LSP1: variants seen among roughly 807,000 people sequenced by gnomAD.
LSP1 encodes the protein lymphocyte-specific protein 1.
A neutral mutation model predicts 49.3 loss-of-function variants in LSP1; 32 were observed. That is an observed-to-expected ratio of 0.65 (90% CI 0.49 to 0.87). The LOEUF is 0.87. Ranked by LOEUF, LSP1 falls within the 40% of genes least tolerant of loss-of-function variation. The pLI is 0.00. For missense variants in LSP1, 428 were observed against 442.6 expected (o/e 0.97, Z 0.30); for synonymous variants, 179 against 178.8 (o/e 1.00, Z -0.01).
chr11:1,886,564 G>A (rs1848759052), intron 7 of LSP1, among the ~76,000 whole-genome samples, 168 bp from the exon 8 acceptor site: 1 of 152,228 alleles, frequency 6.6e-6, no homozygotes, highest in South Asian at 2.1e-4. Flanking sequence ...CAACTGCATC[G>A]AATGGAGGAA....
Position 1,873,813 on chromosome 11 carries a change from AGCAGAGGAGGGAGGCCG to A in LSP1, c.54-6241_54-6225del, listed in dbSNP as rs1303390585. Reference sequence around the variant, plus strand: ...TGGCAACCAGAAGAGCAGGGAGCCCAGCAGAGGAGGGAGGCCGGCAGAGGAGGGAGGCCGGCAGAGGA... The same window carrying A: ...TGGCAACCAGAAGAGCAGGGAGCCCAGCAGAGGAGGGAGGCCGGCAGAGGA... On this transcript the variant is annotated intron_variant, in intron 1 of 10. Transcript: ENST00000311604. Among the ~76,000 whole-genome samples the A allele has an allele frequency of 7.8e-4, 79 of 101,170 alleles. 4 individuals carry two copies. The East Asian group carries it at 7.9e-3, about 10-fold the overall frequency. 66.4% of individuals were successfully genotyped at this position (101,170 alleles called of 152,430 possible).
At chr11:1,860,914 T>A (rs1315621031) in intron 1 of LSP1, among the ~76,000 whole-genome samples, 1 of 151,978 alleles carries the variant, frequency 6.6e-6, no homozygotes, top group Non-Finnish European at 1.5e-5. Context: ...AATAGAAGGA[T>A]GTCAGGAGAA....
chr11:1,890,593 C>T (rs1565092082), intron 10 of LSP1: 2 of 702,998 alleles, frequency 2.8e-6, no homozygotes, highest in Admixed American at 2.0e-5. Flanking sequence ...ATGACTGTGT[C>T]CTAGGGTGGG....
At chr11:1,870,445 G>A (rs541271133) in intron 1 of LSP1, 1 of 1,204,044 alleles carries the variant, frequency 8.3e-7, no homozygotes, top group South Asian at 1.5e-5. Context: ...GAGTCTGGGA[G>A]GGGCTGGTCA....
chr11:1,883,707 G>A (rs1463494257), intron 4 of LSP1, 147 bp downstream of exon 4: 4 of 1,108,150 alleles, frequency 3.6e-6, no homozygotes, highest in East Asian at 2.6e-5. Context: ...CCCCTTCTGG[G>A]CCCACATTCT....
intron 1 of LSP1, among the ~76,000 whole-genome samples, chr11:1,867,565 C>T (rs2133072174): frequency 6.6e-6 from 1 of 152,208 alleles, no homozygotes; most frequent in Non-Finnish European, 1.5e-5. Context: ...GGCCACTCAG[C>T]CGGGCATGAT....
At chr11:1,873,999 T>C (rs188203772) in intron 1 of LSP1, among the ~76,000 whole-genome samples, 1,694 of 32,300 alleles carry the variant, frequency 0.052, 88 homozygotes, top group African/African-American at 0.073. Context: ...GGAGGGAGGC[T>C]GGCAGAGCAG....
intron 1 of LSP1, among the ~76,000 whole-genome samples, chr11:1,859,988 C>T (rs988292741): frequency 2.0e-5 from 3 of 152,106 alleles, no homozygotes; most frequent in South Asian, 2.1e-4. Flanking sequence ...AACATACATT[C>T]GCAGGTATGT....
At chr11:1,869,336 A>C in intron 1 of LSP1, 1 of 300,332 alleles carries the variant, frequency 3.3e-6, no homozygotes, top group South Asian at 2.9e-5. Flanking sequence ...ACCTGGGGAG[A>C]AGTGACAGAG....
chr11:1,876,139 G>A (rs941287912), intron 1 of LSP1, among the ~76,000 whole-genome samples: 2 of 152,230 alleles, frequency 1.3e-5, no homozygotes, highest in East Asian at 1.9e-4. Flanking sequence ...GGCGGCTGGC[G>A]GGGAGCGGGG....
At chr11:1,872,017 ACGGGG>A in intron 1 of LSP1, among the ~76,000 whole-genome samples, 1 of 126,506 alleles carries the variant, frequency 7.9e-6, no homozygotes, top group Non-Finnish European at 1.6e-5. Flanking sequence ...CACCTTTGGG[ACGGGG>A]TGTGTGTGGC....
rs959933771 is a variant in LSP1, at chr11:1,884,314, T to C, written c.626T>C (p.Ile209Thr). ...AGGACCGAGTCCCTAAACCGCTCCA[T>C]AGAGAAGAGGTCTGTCTGTCTGTCT... is the stretch of plus-strand genomic sequence containing the variant. ...IDRTESLNRSIEKSNSVKKSQ... is the reference protein window; with the variant it reads ...IDRTESLNRSTEKSNSVKKSQ... The change falls in exon 6 of 11, where the codon ATA becomes ACA. Residue 209 changes from isoleucine to threonine, a missense_variant. Physicochemically the swap from Ile to Thr is moderately conservative, Grantham distance 89. Coordinates refer to ENST00000311604, the MANE Select transcript of LSP1 (RefSeq NM_002339.3). This position sits in a 1 kb window ranked among gnomAD's most constrained non-coding sequence, Gnocchi z 4.1. The C allele has an allele frequency of 3.1e-6, 5 of 1,613,936 alleles. No homozygotes were observed. The African/African-American group carries it at 6.7e-5, about 22-fold the overall frequency.
At chr11:1,875,727 G>T (rs588321) in intron 1 of LSP1, among the ~76,000 whole-genome samples, 53 of 152,244 alleles carry the variant, frequency 3.5e-4, no homozygotes, top group African/African-American at 1.2e-3. Context: ...GAGGCCCCGG[G>T]GGGGAGGCTG....
intron 1 of LSP1, chr11:1,868,770 C>T (rs1432468502): frequency 1.0e-6 from 1 of 985,708 alleles, no homozygotes; most frequent in African/African-American, 1.7e-5. Context: ...GCCCCCTGGG[C>T]AGGGTGTCAG....
At chr11:1,887,663 CCCTGT>C in intron 10 of LSP1, 87 bp downstream of exon 10, 1 of 1,054,380 alleles carries the variant, frequency 9.5e-7, no homozygotes, top group Non-Finnish European at 1.4e-6. Flanking sequence ...CTGCCTGGAG[CCCTGT>C]TGCAGGCTAC....
At chr11:1,876,023 T>C (rs1392718829) in intron 1 of LSP1, among the ~76,000 whole-genome samples, 2 of 152,222 alleles carry the variant, frequency 1.3e-5, no homozygotes, top group African/African-American at 4.8e-5. Flanking sequence ...ATGTGAGCAG[T>C]GCCCCAGCTG....
chr11:1,878,787 A>G (rs1457440024), intron 1 of LSP1, among the ~76,000 whole-genome samples: 1 of 152,100 alleles, frequency 6.6e-6, no homozygotes, highest in East Asian at 1.9e-4. Context: ...GGTCTGGGAT[A>G]ATAAGCCCTG....
chr11:1,874,681 C>G (rs1376569923), intron 1 of LSP1, among the ~76,000 whole-genome samples: 1 of 152,144 alleles, frequency 6.6e-6, no homozygotes, highest in Non-Finnish European at 1.5e-5. Flanking sequence ...GCAGAGGCGA[C>G]TCCCTCCGGC....
At chr11:1,867,414 A>G (rs955648327) in intron 1 of LSP1, among the ~76,000 whole-genome samples, 2 of 122,588 alleles carry the variant, frequency 1.6e-5, no homozygotes, top group African/African-American at 3.1e-5. Context: ...CACCACTGCC[A>G]TGATCTCTTC....
Sources: gnomAD v4.1 joint callset for allele counts (sites outside exome capture counted in the v4.1 genomes callset) on GRCh38, gnomAD v4.1.1 for gene constraint, Gnocchi (gnomAD v3.1) non-coding constraint, MANE v1.5 for transcripts, NCBI Gene and HGNC (gene_info 2026-07-23, HGNC 2026-07-21) for gene names.